Variants in USP48 observed in about 807,000 individuals in gnomAD.
USP48 encodes the protein ubiquitin carboxyl-terminal hydrolase 48.
Under a neutral mutation model 150.7 loss-of-function variants are expected in USP48, and 43 were observed. The observed-to-expected ratio is 0.29, with a 90% CI of 0.22 to 0.37. The LOEUF (loss-of-function observed/expected upper bound fraction) is 0.37, where lower values mean the gene tolerates loss of function less well. USP48 is among the 10% of genes least tolerant of loss of function. USP48 has a pLI of 1.00. For missense variants in USP48, 813 were observed against 1,249.6 expected (o/e 0.65, Z 5.27); for synonymous variants, 396 against 425.9 (o/e 0.93, Z 0.86).
chr1:21,680,772 G>A lies in USP48; in HGVS notation c.3085+36C>T, dbSNP rs2097563570. 5 of 1,568,162 alleles carry A rather than the reference G, an allele frequency of 3.2e-6. 1 individual carries two copies. The highest frequency in any genetic ancestry group is 3.4e-4 in the Middle Eastern group (2 of 5,852). ...TAACAGAAAATTACAGGATGACTCT[G>A]ACATTCATGAACAAAACATGACAAA... On this transcript the variant is annotated intron_variant, in intron 26 of 26. Transcript: ENST00000308271.
intron 8 of USP48, among the ~76,000 whole-genome samples, chr1:21,746,258 G>A (rs114114097): frequency 6.6e-6 from 1 of 152,230 alleles, no homozygotes; most frequent in Non-Finnish European, 1.5e-5. Flanking sequence ...CCAGCACTTA[G>A]GGAGGTCAAG....
At chr1:21,780,274 A>T (rs1218905525) in intron 1 of USP48, among the ~76,000 whole-genome samples, 3 of 152,232 alleles carry the variant, frequency 2.0e-5, no homozygotes, top group Non-Finnish European at 4.4e-5. Context: ...ACCCTTGGAA[A>T]CATTACGTTA....
chr1:21,692,022 C>G (rs1433074001), intron 23 of USP48, among the ~76,000 whole-genome samples: 1 of 152,112 alleles, frequency 6.6e-6, no homozygotes, highest in Non-Finnish European at 1.5e-5. Flanking sequence ...GTGTGTGTAA[C>G]AGGGCCCAAG....
rs2152485779 is a variant in USP48 at position 21,678,425 on chromosome 1, C to G, written c.*992G>C. 2 of 151,926 alleles carry G rather than the reference C, an allele frequency of 1.3e-5. No individual in the cohort carries two copies. The highest frequency in any genetic ancestry group is 4.2e-4 in the South Asian group (2 of 4,802). The allele number at this position is 151,926 out of a possible 1,614,324, so 9.4% of individuals were successfully genotyped here. On this transcript the variant is annotated 3_prime_UTR_variant, in exon 27 of 27. Coordinates refer to ENST00000308271, the MANE Select transcript of USP48 (RefSeq NM_032236.8). ...GTTGGATGGACAGCACATCCATATA[C>G]TTTTTTCCTTTTTTAAACAATGATC...
intron 1 of USP48, among the ~76,000 whole-genome samples, chr1:21,779,654 A>T (rs1394660605): frequency 1.3e-5 from 2 of 152,146 alleles, no homozygotes; most frequent in African/African-American, 4.8e-5. Context: ...CCACACAAAA[A>T]CTACTACACT....
chr1:21,696,419 C>T (rs1311195665), intron 22 of USP48, among the ~76,000 whole-genome samples: 1 of 152,184 alleles, frequency 6.6e-6, no homozygotes, highest in South Asian at 2.1e-4. Context: ...GCCTGGGCAA[C>T]AAGAGCGAAA....
At chr1:21,766,126 G>C (rs2152629607) in intron 1 of USP48, among the ~76,000 whole-genome samples, 1 of 152,238 alleles carries the variant, frequency 6.6e-6, no homozygotes, top group African/African-American at 2.4e-5. Context: ...CCAGCACTCT[G>C]AAAGGCCGAG....
chr1:21,728,555 G>A lies in USP48; in HGVS notation c.1450+15C>T. On this transcript the variant is annotated intron_variant, in intron 11 of 26. Coordinates refer to ENST00000308271, the MANE Select transcript of USP48 (RefSeq NM_032236.8). Reference sequence around the variant, plus strand: ...ACTTAATGGCAACAGTGCTGTCCCAGAATATCTTACAGACCAGCTCCAGCA... The same window carrying A: ...ACTTAATGGCAACAGTGCTGTCCCAAAATATCTTACAGACCAGCTCCAGCA... 6.2e-7 allele frequency: 1 copy of A among 1,611,458 alleles called. No individual in the cohort carries two copies. Among genetic ancestry groups the A allele is most frequent in the Non-Finnish European group, 8.5e-7 (1 of 1,178,876 alleles).
rs1181060539 is a variant in USP48 at position 21,729,899 on chromosome 1, C to T, written c.1172-67G>A. On this transcript the variant is annotated intron_variant, in intron 9 of 26. Transcript: ENST00000308271. ...AGAGTTTGTTTATTCTTTAGCGGGG[C>T]TATAGAAAACAATTTCCAAAATATA... The T allele has an allele frequency of 3.1e-6, 5 of 1,596,434 alleles. No individual in the cohort carries two copies. In the East Asian group the frequency reaches 6.7e-5, roughly 21 times the overall value.
intron 25 of USP48, 127 bp downstream of exon 25, chr1:21,687,064 G>T: frequency 2.3e-6 from 2 of 860,108 alleles, no homozygotes; most frequent in Non-Finnish European, 1.9e-6. Flanking sequence ...GTATTCTACT[G>T]TAACAATATG....
intron 25 of USP48, among the ~76,000 whole-genome samples, chr1:21,685,054 T>G (rs1016100333): frequency 2.6e-5 from 4 of 152,184 alleles, no homozygotes; most frequent in Non-Finnish European, 5.9e-5. Flanking sequence ...TTTAGGATTG[T>G]GTTTTTCTAT....
intron 25 of USP48, among the ~76,000 whole-genome samples, chr1:21,682,518 C>T (rs1243817264): frequency 2.0e-5 from 3 of 151,368 alleles, no homozygotes; most frequent in Non-Finnish European, 2.9e-5. Flanking sequence ...CTCGACATAT[C>T]TTGGTCCCAG....
intron 2 of USP48, chr1:21,757,106 A>G (rs1219131421): frequency 1.4e-6 from 1 of 698,622 alleles, no homozygotes; most frequent in East Asian, 1.3e-4. Flanking sequence ...TATATTCTAG[A>G]GATTTTAAAG....
chr1:21,750,611 G>A (rs1483631226), intron 6 of USP48, among the ~76,000 whole-genome samples: 2 of 152,130 alleles, frequency 1.3e-5, no homozygotes, highest in African/African-American at 4.8e-5. Context: ...GGTGGTTCAC[G>A]TGTGTAATCC....
chr1:21,765,787 G>GA (rs1252649627), intron 1 of USP48, among the ~76,000 whole-genome samples: 1 of 151,242 alleles, frequency 6.6e-6, no homozygotes, highest in African/African-American at 2.4e-5. Flanking sequence ...TTGGAAGGCT[G>GA]AGGTGAGTGG....
chr1:21,695,550 T>G (rs2097625730), intron 22 of USP48, among the ~76,000 whole-genome samples: 1 of 152,052 alleles, frequency 6.6e-6, no homozygotes, highest in African/African-American at 2.4e-5. Context: ...AAGACCCATC[T>G]CAACCAAAAA....
intron 7 of USP48, among the ~76,000 whole-genome samples, chr1:21,747,891 T>C (rs1198482983): frequency 6.6e-6 from 1 of 152,224 alleles, no homozygotes; most frequent in Non-Finnish European, 1.5e-5. Flanking sequence ...TTTTAATACT[T>C]TCTTAGAATA....
intron 24 of USP48, among the ~76,000 whole-genome samples, chr1:21,688,086 T>C (rs2097584476): frequency 1.3e-5 from 2 of 152,196 alleles, no homozygotes; most frequent in Admixed American, 1.3e-4. Flanking sequence ...ACAATGATTC[T>C]ACCACATGAT....
intron 22 of USP48, among the ~76,000 whole-genome samples, chr1:21,698,468 A>G (rs1349092164): frequency 1.3e-5 from 2 of 152,212 alleles, no homozygotes; most frequent in African/African-American, 4.8e-5. Flanking sequence ...TGCTGTGGTC[A>G]TGACCACAAT....
Sources: allele counts gnomAD v4.1 joint callset (sites outside exome capture counted in the v4.1 genomes callset), GRCh38; gene constraint gnomAD v4.1.1; transcripts MANE v1.5; gene names NCBI Gene and HGNC (gene_info 2026-07-23, HGNC 2026-07-21).